SLC35F4: variants seen among roughly 807,000 people sequenced by gnomAD.
SLC35F4 encodes the protein solute carrier family 35 member F4.
Under a neutral mutation model 44.2 loss-of-function variants are expected in SLC35F4, and 24 were observed. That is an observed-to-expected ratio of 0.54 (90% CI 0.39 to 0.76). The LOEUF is 0.76. SLC35F4 is among the 30% of genes least tolerant of loss of function. The pLI is 0.00. For missense variants in SLC35F4, 562 were observed against 586.1 expected (o/e 0.96, Z 0.42); for synonymous variants, 238 against 223.6 (o/e 1.06, Z -0.57).
intron 1 of SLC35F4, among the ~76,000 whole-genome samples, chr14:57,941,822 T>G (rs536464560): frequency 6.6e-6 from 1 of 152,284 alleles, no homozygotes; most frequent in African/African-American, 2.4e-5. Context: ...CTATAGAGAC[T>G]AGCAAAATGC....
At chr14:57,628,331 G>A (rs919033550) in intron 1 of SLC35F4, among the ~76,000 whole-genome samples, 1 of 141,364 alleles carries the variant, frequency 7.1e-6, no homozygotes, top group African/African-American at 2.6e-5. Context: ...TAAGTTCTGG[G>A]GTACATGTGC....
At chr14:57,817,394 T>C (rs2140901959) in intron 1 of SLC35F4, among the ~76,000 whole-genome samples, 1 of 152,254 alleles carries the variant, frequency 6.6e-6, no homozygotes, top group African/African-American at 2.4e-5. Flanking sequence ...AATGGCCTCC[T>C]TTCCACTGGA....
chr14:57,575,766 C>T (rs550527076), intron 4 of SLC35F4, among the ~76,000 whole-genome samples: 45 of 152,230 alleles, frequency 3.0e-4, no homozygotes, highest in Non-Finnish European at 5.4e-4. Flanking sequence ...CAGCTCTCTG[C>T]ACTAATTTTC....
At chr14:57,700,731 C>T (rs1410674713) in intron 1 of SLC35F4, among the ~76,000 whole-genome samples, 1 of 151,902 alleles carries the variant, frequency 6.6e-6, no homozygotes, top group East Asian at 1.9e-4. Flanking sequence ...TGGCAAAACT[C>T]CATCTCTACA....
intron 1 of SLC35F4, among the ~76,000 whole-genome samples, chr14:57,740,152 T>A (rs1266086194): frequency 1.3e-5 from 2 of 152,166 alleles, no homozygotes; most frequent in Non-Finnish European, 2.9e-5. Flanking sequence ...ATTGTCATTT[T>A]AAATTTAAAA....
At chr14:57,750,479 T>C (rs1054847899) in intron 1 of SLC35F4, among the ~76,000 whole-genome samples, 2 of 152,226 alleles carry the variant, frequency 1.3e-5, no homozygotes, top group African/African-American at 4.8e-5. Flanking sequence ...GAGGTTGTAC[T>C]AATTTACATT....
At chr14:57,978,721 C>G (rs930367126) in intron 1 of SLC35F4, among the ~76,000 whole-genome samples, 1 of 152,172 alleles carries the variant, frequency 6.6e-6, no homozygotes, top group Non-Finnish European at 1.5e-5. Context: ...TACAGTGAAC[C>G]ATTTACAGAA....
intron 1 of SLC35F4, among the ~76,000 whole-genome samples, chr14:57,745,554 G>C (rs2076732565): frequency 6.6e-6 from 1 of 152,168 alleles, no homozygotes; most frequent in South Asian, 2.1e-4. Flanking sequence ...ACACCAGTTA[G>C]AATGGCGATC....
chr14:57,947,515 C>T (rs184505618), intron 1 of SLC35F4, among the ~76,000 whole-genome samples: 65 of 151,834 alleles, frequency 4.3e-4, no homozygotes, highest in Non-Finnish European at 1.5e-5. Context: ...ATTTGGATGC[C>T]CTTTCTTTCT....
intron 1 of SLC35F4, among the ~76,000 whole-genome samples, chr14:57,624,327 A>T (rs1025343245): frequency 2.0e-5 from 3 of 152,184 alleles, no homozygotes; most frequent in African/African-American, 7.2e-5. Context: ...CAACCAAAAA[A>T]AGTCCAGGAC....
intron 1 of SLC35F4, among the ~76,000 whole-genome samples, chr14:57,981,518 T>A (rs899773183): frequency 1.4e-4 from 21 of 152,178 alleles, no homozygotes; most frequent in Non-Finnish European, 2.6e-4. Flanking sequence ...ATATTTTTTT[T>A]AAAATGACTT....
intron 4 of SLC35F4, among the ~76,000 whole-genome samples, chr14:57,572,719 G>A (rs1429154288): frequency 6.6e-6 from 1 of 152,184 alleles, no homozygotes; most frequent in Non-Finnish European, 1.5e-5. Context: ...ACTGCATAAA[G>A]TGAAATATTC....
chr14:57,812,050 T>C (rs948526757), intron 1 of SLC35F4, among the ~76,000 whole-genome samples: 2 of 152,194 alleles, frequency 1.3e-5, no homozygotes, highest in East Asian at 3.8e-4. Context: ...AAATTCATTT[T>C]TTAGAAGAAA....
intron 1 of SLC35F4, among the ~76,000 whole-genome samples, chr14:57,778,208 T>C (rs1751676474): frequency 2.6e-5 from 4 of 152,234 alleles, no homozygotes; most frequent in Admixed American, 2.0e-4. Context: ...TCTGCCATGA[T>C]TGTGGCTATG....
At chr14:57,823,001 G>A (rs1302599186) in intron 1 of SLC35F4, among the ~76,000 whole-genome samples, 1 of 152,056 alleles carries the variant, frequency 6.6e-6, no homozygotes, top group African/African-American at 2.4e-5. Flanking sequence ...AATTCTCTGG[G>A]GGAACTCCAG....
intron 1 of SLC35F4, among the ~76,000 whole-genome samples, chr14:57,947,989 T>A (rs1312119398): frequency 1.3e-5 from 2 of 152,170 alleles, no homozygotes; most frequent in Non-Finnish European, 2.9e-5. Flanking sequence ...ATAGTTTTCT[T>A]TTTTTGTATA....
At chr14:57,833,699 T>A (rs1293372634) in intron 1 of SLC35F4, among the ~76,000 whole-genome samples, 1 of 152,212 alleles carries the variant, frequency 6.6e-6, no homozygotes, top group Non-Finnish European at 1.5e-5. Flanking sequence ...GCCATGGCCA[T>A]AGCTAATCTC....
intron 1 of SLC35F4, among the ~76,000 whole-genome samples, chr14:57,770,092 G>T (rs1288235484): frequency 1.3e-5 from 2 of 152,194 alleles, no homozygotes; most frequent in African/African-American, 2.4e-5. Context: ...TCTGTGTACA[G>T]TAGAGCAGGG....
rs186645787 is a variant in SLC35F4, at chr14:57,810,232, C to A, written c.103+55491G>T. 3.0e-4 allele frequency among the ~76,000 whole-genome samples: 46 copies of A among 152,312 alleles called. No individual in the cohort carries two copies. In the East Asian group the frequency reaches 3.9e-3, roughly 13 times the overall value. On this transcript the variant is annotated intron_variant, in intron 1 of 7. Transcript: ENST00000556826. The stretch of plus-strand genomic sequence containing the variant: ...ACCTGTACTAAATTCTTGCTCCCCC[C>A]ACTACTTACCAGCTGTTGTTTCTGA...
Sources: gnomAD v4.1 joint callset for allele counts (sites outside exome capture counted in the v4.1 genomes callset) on GRCh38, gnomAD v4.1.1 for gene constraint, MANE v1.5 for transcripts, NCBI Gene and HGNC (gene_info 2026-07-23, HGNC 2026-07-21) for gene names.